The following SH3GL1 variants were observed in gnomAD, a reference collection of about 807,000 sequenced individuals.
SH3GL1 encodes endophilin-A2.
Under a neutral mutation model 48.8 loss-of-function variants are expected in SH3GL1, and 21 were observed. The ratio of observed to expected loss-of-function variants is 0.43; its 90% confidence interval spans 0.30 to 0.62. The LOEUF (loss-of-function observed/expected upper bound fraction) is 0.62. SH3GL1 is among the 20% of genes least tolerant of loss of function. The pLI is 0.11. For synonymous variants in SH3GL1, 282 were observed against 217.5 expected (o/e 1.30, Z -2.61); for missense variants, 454 against 503.0 (o/e 0.90, Z 0.93).
intron 1 of SH3GL1, among the ~76,000 whole-genome samples, chr19:4,383,033 C>T (rs976834414): frequency 9.9e-5 from 15 of 152,136 alleles, no homozygotes; most frequent in Admixed American, 9.2e-4. Flanking sequence ...AGTCTCCAGC[C>T]TCAGGCTTCT....
At chr19:4,384,348 G>A (rs750242120) in intron 1 of SH3GL1, among the ~76,000 whole-genome samples, 17 of 152,328 alleles carry the variant, frequency 1.1e-4, no homozygotes, top group South Asian at 1.0e-3. Context: ...CATACAGCAC[G>A]GTGGAGGAGG....
chr19:4,363,746 T>G lies in SH3GL1; in HGVS notation c.598A>C (p.Ser200Arg). 7.4e-6 allele frequency: 12 copies of G among 1,613,738 alleles called. No individual in the cohort carries two copies. Among genetic ancestry groups the G allele is most frequent in the Non-Finnish European group, 1.0e-5 (12 of 1,180,026 alleles). ...TCAGTCTCCAGGAGGTTGTGCATGC[T>G]GGTTTCTGCCACCTCCTTGGACTCC... ...FEESKEVAET[S>R]MHNLLETDIE... The change falls in exon 6 of 10, where the codon AGC becomes CGC. Residue 200 changes from serine to arginine, a missense_variant. By Grantham distance (110) the Ser-to-Arg change is moderately radical. Transcript: ENST00000269886.
intron 1 of SH3GL1, among the ~76,000 whole-genome samples, chr19:4,370,839 G>C (rs1568411655): frequency 6.6e-6 from 1 of 152,252 alleles, no homozygotes; most frequent in Non-Finnish European, 1.5e-5. Flanking sequence ...GCTCAGTCAG[G>C]CCTGGCAGTG....
chr19:4,363,219 G>C lies in SH3GL1; in HGVS notation c.728+151C>G, dbSNP rs562967949. On this transcript the variant is annotated intron_variant, in intron 7 of 9. Coordinates refer to ENST00000269886, the MANE Select transcript of SH3GL1 (RefSeq NM_003025.4). ...AGAGCCCCAGCTCCTCTGACCTCGC[G>C]GCCCCCCAGGCCTTTCCACTCAGTC... 6.1e-6 allele frequency: 4 copies of C among 660,800 alleles called. No homozygotes were observed. In the Admixed American group the frequency reaches 1.0e-4, roughly 17 times the overall value. 40.9% of individuals were successfully genotyped at this position (660,800 alleles called of 1,614,324 possible).
At chr19:4,363,995 C>T (rs1972700967) in intron 5 of SH3GL1, 93 bp downstream of exon 5, 2 of 1,602,924 alleles carry the variant, frequency 1.2e-6, no homozygotes, top group Non-Finnish European at 8.5e-7. Flanking sequence ...ACCCAGAGGG[C>T]AGTGCCGAGG....
chr19:4,369,391 G>T (rs915394701), intron 1 of SH3GL1, among the ~76,000 whole-genome samples: 2 of 152,248 alleles, frequency 1.3e-5, no homozygotes, highest in Admixed American at 1.3e-4. Flanking sequence ...GAGAACTGAA[G>T]CCAGCGGGCT....
intron 5 of SH3GL1, 24 bp downstream of exon 5, chr19:4,364,064 C>T (rs1055126667): frequency 1.9e-6 from 3 of 1,611,530 alleles, no homozygotes; most frequent in Non-Finnish European, 2.5e-6. Flanking sequence ...AGGGACAGGC[C>T]CCAGGCTGGC....
Position 4,361,553 on chromosome 19 carries a change from G to C in SH3GL1, c.*47C>G. On this transcript the variant is annotated 3_prime_UTR_variant, in exon 10 of 10. Transcript: ENST00000269886. ...GTGGAATGCAGGAGACCCAGCAGGGGGTGCCGGCCAGTGTGGACGGAGGGG... is the reference window on the plus strand; with the variant it reads ...GTGGAATGCAGGAGACCCAGCAGGGCGTGCCGGCCAGTGTGGACGGAGGGG... 7.0e-7 allele frequency: 1 copy of C among 1,425,560 alleles called. No homozygotes were observed. The highest frequency in any genetic ancestry group is 9.6e-7 in the Non-Finnish European group (1 of 1,039,970). 88.3% of individuals were successfully genotyped at this position (1,425,560 alleles called of 1,614,324 possible). A position where few individuals can be genotyped will look rare whatever the true frequency, so the allele number is the denominator to read the frequency against.
Position 4,400,452 on chromosome 19 carries a change from A to C in SH3GL1, c.-84T>G. Reference sequence around the variant, plus strand: ...CCGCCGACCCTCTGCGCGCCTCAGCAGTCCCCGTCGGCGCCGCCTCCGCCA... The same window carrying C: ...CCGCCGACCCTCTGCGCGCCTCAGCCGTCCCCGTCGGCGCCGCCTCCGCCA... On this transcript the variant is annotated 5_prime_UTR_variant, in exon 1 of 10. Coordinates refer to ENST00000269886, the MANE Select transcript of SH3GL1 (RefSeq NM_003025.4). The surrounding 1 kb of genome is among the most constrained non-coding windows in gnomAD (Gnocchi z 4.1). 1 of 1,210,958 alleles carries C rather than the reference A, an allele frequency of 8.3e-7. No individual in the cohort carries two copies. Among genetic ancestry groups the C allele is most frequent in the Non-Finnish European group, 1.0e-6 (1 of 963,912 alleles). 75.0% of individuals were successfully genotyped at this position (1,210,958 alleles called of 1,614,324 possible).
At position 4,363,479 on chromosome 19, in the gene SH3GL1, G is replaced by A; in HGVS notation, c.625-6C>T. 1.9e-6 allele frequency: 3 copies of A among 1,609,436 alleles called. No homozygotes were observed. Among genetic ancestry groups the A allele is most frequent in the Non-Finnish European group, 8.5e-7 (1 of 1,177,640 alleles). ...AGCTGACTCACCTGCTCGATCTGTG[G>A]GGACAGTAGGGCTCAGGGGCTCCTG... On this transcript the variant is annotated splice_region_variant and splice_polypyrimidine_tract_variant and intron_variant, in intron 6 of 9. Coordinates refer to ENST00000269886, the MANE Select transcript of SH3GL1 (RefSeq NM_003025.4).
intron 1 of SH3GL1, among the ~76,000 whole-genome samples, chr19:4,369,633 C>T (rs1972856140): frequency 6.6e-6 from 1 of 152,194 alleles, no homozygotes; most frequent in Non-Finnish European, 1.5e-5. Context: ...GGCTCTGGCC[C>T]TGGCCCCACC....
intron 1 of SH3GL1, among the ~76,000 whole-genome samples, chr19:4,382,566 C>T (rs928848797): frequency 2.6e-5 from 4 of 152,058 alleles, no homozygotes; most frequent in African/African-American, 4.8e-5. Context: ...CCAGGTGCTC[C>T]GCTTTCTGAG....
intron 1 of SH3GL1, among the ~76,000 whole-genome samples, chr19:4,378,189 A>G (rs1346365500): frequency 6.6e-6 from 1 of 152,204 alleles, no homozygotes. Context: ...ATAAATAAGA[A>G]GCAGCCCTGC....
At chr19:4,377,868 G>A (rs1012804106) in intron 1 of SH3GL1, among the ~76,000 whole-genome samples, 2 of 152,236 alleles carry the variant, frequency 1.3e-5, no homozygotes, top group African/African-American at 2.4e-5. Context: ...CCCCTGCAGC[G>A]AGAAGACTGC....
intron 1 of SH3GL1, among the ~76,000 whole-genome samples, chr19:4,392,459 G>A (rs1011794214): frequency 1.3e-5 from 2 of 151,538 alleles, no homozygotes; most frequent in African/African-American, 4.9e-5. Flanking sequence ...AGGAAGCGGA[G>A]GTTGCAGTGA....
In SH3GL1 at chr19:4,381,417, CCT is replaced by C. The variant is rs746899922; in HGVS notation, c.46-14425_46-14424del. On this transcript the variant is annotated intron_variant, in intron 1 of 9. Transcript: ENST00000269886. ...TCTCTGTCCCCCTACCTCTGTCTCC[CCT>C]CTCTCTGTCCCCTCTGCCTCTCTGT... Among the ~76,000 whole-genome samples, 65 of 120,298 alleles carry C rather than the reference CCT, an allele frequency of 5.4e-4. 1 individual carries two copies. Among genetic ancestry groups the C allele is most frequent in the African/African-American group, 1.2e-3 (39 of 31,262 alleles). 78.9% of individuals were successfully genotyped at this position (120,298 alleles called of 152,430 possible).
chr19:4,368,564 C>T (rs1332557567), intron 1 of SH3GL1, among the ~76,000 whole-genome samples: 2 of 152,268 alleles, frequency 1.3e-5, no homozygotes, highest in Non-Finnish European at 2.9e-5. Flanking sequence ...CAAGGAATTC[C>T]TGGCCCTCCT....
chr19:4,397,298 A>C (rs1438123990), intron 1 of SH3GL1, among the ~76,000 whole-genome samples: 5 of 152,174 alleles, frequency 3.3e-5, no homozygotes, highest in African/African-American at 4.8e-5. Flanking sequence ...GTGCTTTGGG[A>C]CTAGGCCTCG....
intron 2 of SH3GL1, among the ~76,000 whole-genome samples, 168 bp from the exon 3 acceptor site, chr19:4,366,741 G>T (rs1402041047): frequency 1.3e-5 from 2 of 151,978 alleles, no homozygotes; most frequent in Non-Finnish European, 2.9e-5. Flanking sequence ...GCCCACGGCA[G>T]GGGAGAGAGC....
Sources: allele counts gnomAD v4.1 joint callset (sites outside exome capture counted in the v4.1 genomes callset), GRCh38; gene constraint gnomAD v4.1.1; non-coding constraint Gnocchi (gnomAD v3.1); transcripts MANE v1.5; gene names NCBI Gene and HGNC (gene_info 2026-07-23, HGNC 2026-07-21).